PCSK5: variants seen among roughly 807,000 people sequenced by gnomAD.
PCSK5 encodes proprotein convertase subtilisin/kexin type 5.
PCSK5 carries 129 observed loss-of-function variants against 233.2 expected under a neutral mutation model. The ratio of observed to expected loss-of-function variants is 0.55; its 90% CI spans 0.48 to 0.64. PCSK5 has a LOEUF of 0.64. Ranked by LOEUF, PCSK5 falls within the 30% of genes least tolerant of loss-of-function variation. The pLI, the probability that PCSK5 is intolerant of heterozygous loss-of-function variation, is 0.00. For missense variants in PCSK5, 2,076 were observed against 2,430.1 expected (o/e 0.85, Z 3.06); for synonymous variants, 825 against 879.2 (o/e 0.94, Z 1.09).
At chr9:75,901,896 G>A (rs1826053449) in intron 1 of PCSK5, among the ~76,000 whole-genome samples, 3 of 152,260 alleles carry the variant, frequency 2.0e-5, no homozygotes, top group Middle Eastern at 3.4e-3. Context: ...CCTTTCTCAT[G>A]AATGTTCAGG....
chr9:75,962,698 G>C (rs905838819), intron 2 of PCSK5, among the ~76,000 whole-genome samples: 1 of 152,202 alleles, frequency 6.6e-6, no homozygotes, highest in Admixed American at 6.5e-5. Flanking sequence ...CAGCATTTGT[G>C]ATGGGCACAC....
chr9:75,920,479 C>G (rs1823205895), intron 1 of PCSK5, among the ~76,000 whole-genome samples: 1 of 152,084 alleles, frequency 6.6e-6, no homozygotes, highest in Admixed American at 6.6e-5. Context: ...CAAATATTCT[C>G]CTTTAAGAAT....
chr9:75,981,388 A>G (rs1587454537), intron 2 of PCSK5, among the ~76,000 whole-genome samples: 2 of 152,324 alleles, frequency 1.3e-5, no homozygotes, highest in East Asian at 3.9e-4. Context: ...AGCTAATCTA[A>G]GATAATAACC....
At chr9:75,956,807 A>T (rs1029457432) in intron 2 of PCSK5, among the ~76,000 whole-genome samples, 4 of 150,876 alleles carry the variant, frequency 2.7e-5, no homozygotes, top group African/African-American at 9.8e-5. Context: ...CTCTATTTCT[A>T]CCTCTTTTTG....
chr9:75,967,536 A>G (rs550426393), intron 2 of PCSK5, among the ~76,000 whole-genome samples: 1 of 152,310 alleles, frequency 6.6e-6, no homozygotes, highest in East Asian at 1.9e-4. Flanking sequence ...AACAGCTTTC[A>G]CAAACAGTCC....
chr9:76,043,998 C>T (rs1563991447), intron 5 of PCSK5, among the ~76,000 whole-genome samples: 2 of 152,262 alleles, frequency 1.3e-5, no homozygotes, highest in Non-Finnish European at 1.5e-5. Context: ...TAATTAGGGA[C>T]AGTTTTTTTT....
At position 75,950,144 on chromosome 9, in the gene PCSK5, T is replaced by TG. The variant is rs1313764808; in HGVS notation, c.297+17669dup. Among the ~76,000 whole-genome samples, 11 of 2,752 alleles carry TG rather than the reference T, an allele frequency of 4.0e-3. No individual in the cohort carries two copies. In the South Asian group the frequency reaches 0.062, roughly 15 times the overall value. The allele number at this position is 2,752 out of a possible 152,430, so 1.8% of individuals were successfully genotyped here. A position where few individuals can be genotyped will look rare whatever the true frequency, so the allele number is the denominator to read the frequency against. ...AGTGGGACACACTTGTGTGTGTGTG[T>TG]GGGGGGGGCGGGGAGGGGGGAACTG... On this transcript the variant is annotated intron_variant, in intron 2 of 37. Transcript: ENST00000674117.
intron 27 of PCSK5, among the ~76,000 whole-genome samples, chr9:76,298,370 G>A (rs1340608611): frequency 1.3e-5 from 2 of 152,106 alleles, no homozygotes; most frequent in African/African-American, 2.4e-5. Flanking sequence ...TCACTAATAG[G>A]GGATTGGGGA....
At chr9:76,158,868 G>GTATCCAGCTATC in intron 11 of PCSK5, 115 bp from the exon 12 acceptor site, 1 of 842,558 alleles carries the variant, frequency 1.2e-6, no homozygotes, top group East Asian at 2.5e-5. Context: ...CTGTTGTTTA[G>GTATCCAGCTATC]TATCCAGCTA....
At chr9:75,947,411 T>C (rs572645864) in intron 2 of PCSK5, among the ~76,000 whole-genome samples, 1 of 152,134 alleles carries the variant, frequency 6.6e-6, no homozygotes, top group Admixed American at 6.5e-5. Context: ...AAATTTTTGG[T>C]GGTTATGTAG....
At chr9:76,312,864 C>A (rs1181492308) in intron 30 of PCSK5, among the ~76,000 whole-genome samples, 3 of 152,110 alleles carry the variant, frequency 2.0e-5, no homozygotes, top group African/African-American at 7.2e-5. Context: ...TAAGTTAAGA[C>A]CAACTCCAGG....
intron 1 of PCSK5, among the ~76,000 whole-genome samples, chr9:75,908,913 A>ATCTG (rs1197832731): frequency 8.2e-6 from 1 of 121,750 alleles, no homozygotes; most frequent in Admixed American, 9.2e-5. Context: ...CTATCTATCT[A>ATCTG]TCTATCTATC....
intron 1 of PCSK5, among the ~76,000 whole-genome samples, chr9:75,906,468 G>A (rs1826269770): frequency 2.0e-5 from 3 of 152,082 alleles, no homozygotes; most frequent in African/African-American, 7.2e-5. Flanking sequence ...CTTGTGATCT[G>A]CCTGCCTCAG....
chr9:76,184,035 A>T (rs980035560), intron 16 of PCSK5, among the ~76,000 whole-genome samples: 3 of 152,216 alleles, frequency 2.0e-5, no homozygotes, highest in Admixed American at 2.0e-4. Context: ...ATACATTTCT[A>T]TTCTCCAGAA....
upstream of PCSK5, among the ~76,000 whole-genome samples, chr9:75,889,912 G>GTT (rs929118172): frequency 6.6e-6 from 1 of 152,172 alleles, no homozygotes; most frequent in African/African-American, 2.4e-5. Context: ...ACTGTGCTTG[G>GTT]AAAAGTTGGG....
chr9:76,050,816 T>C (rs1317109473), intron 5 of PCSK5, among the ~76,000 whole-genome samples: 1 of 152,172 alleles, frequency 6.6e-6, no homozygotes, highest in Non-Finnish European at 1.5e-5. Context: ...AGAAACATAA[T>C]GTGCTAATAG....
intron 24 of PCSK5, among the ~76,000 whole-genome samples, chr9:76,245,422 A>T (rs149370333): frequency 1.5e-4 from 23 of 152,282 alleles, no homozygotes; most frequent in Admixed American, 3.3e-4. Flanking sequence ...AGGATTTTTT[A>T]AAAAAAGAGA....
At chr9:76,007,637 C>A (rs1046422701) in intron 3 of PCSK5, among the ~76,000 whole-genome samples, 1 of 151,920 alleles carries the variant, frequency 6.6e-6, no homozygotes. Context: ...TCATCACTTT[C>A]GTTTTTTGAG....
At chr9:76,024,091 A>G (rs1014007642) in intron 4 of PCSK5, among the ~76,000 whole-genome samples, 23 of 152,294 alleles carry the variant, frequency 1.5e-4, no homozygotes, top group African/African-American at 5.5e-4. Flanking sequence ...TGATGTTCTG[A>G]CTTACAAAAA....
Sources: allele counts gnomAD v4.1 joint callset (sites outside exome capture counted in the v4.1 genomes callset), GRCh38; gene constraint gnomAD v4.1.1; transcripts MANE v1.5; gene names NCBI Gene and HGNC (gene_info 2026-07-23, HGNC 2026-07-21).